The following PRDM16 variants were observed in gnomAD, a reference collection of about 807,000 sequenced individuals.
The protein encoded by PRDM16 is PR/SET domain 16, also known as histone-lysine N-methyltransferase PRDM16.
A neutral mutation model predicts 110.6 loss-of-function variants in PRDM16; 23 were observed. The ratio of observed to expected loss-of-function variants is 0.21; its 90% CI spans 0.15 to 0.29. The LOEUF (loss-of-function observed/expected upper bound fraction) is 0.29, where lower values mean the gene tolerates loss of function less well. Among genes scored for constraint, PRDM16 ranks in the 10% least tolerant of loss-of-function variants. The probability of loss-of-function intolerance (pLI) is 1.00; values close to 1 mark genes in which losing one functional copy is unlikely to be tolerated. For missense variants in PRDM16, 1,615 were observed against 1,794.3 expected, an observed-to-expected ratio of 0.90 and a Z score of 1.81; for synonymous variants, 799 against 781.8, an observed-to-expected ratio of 1.02 and a Z score of -0.37.
chr1:3,384,084 A>C (rs1178035109), intron 3 of PRDM16, among the ~76,000 whole-genome samples: 2 of 146,172 alleles, frequency 1.4e-5, no homozygotes, highest in African/African-American at 5.1e-5. Flanking sequence ...CCTGCCTGCC[A>C]GGACACACCC....
intron 1 of PRDM16, among the ~76,000 whole-genome samples, chr1:3,088,750 ATAT>A (rs1321897999): frequency 2.8e-5 from 4 of 143,976 alleles, no homozygotes; most frequent in African/African-American, 7.7e-5. Flanking sequence ...GCGCCCGGCC[ATAT>A]TATTATTATT....
chr1:3,200,706 C>T (rs539487962), intron 2 of PRDM16, among the ~76,000 whole-genome samples: 42 of 152,058 alleles, frequency 2.8e-4, no homozygotes, highest in African/African-American at 8.9e-4. Flanking sequence ...AAAGTATCCC[C>T]GGCACGCGTG....
In PRDM16 at chr1:3,181,568, AGTCTTACACACG is replaced by A. The variant is rs1288672927; in HGVS notation, c.38-4548_38-4537del. Among the ~76,000 whole-genome samples the A allele has an allele frequency of 1.9e-4, 13 of 67,714 alleles. 1 individual carries two copies. The highest frequency in any genetic ancestry group is 7.2e-4 in the African/African-American group (13 of 18,036). The allele number at this position is 67,714 out of a possible 152,430, so 44.4% of individuals were successfully genotyped here. ...CTTACACACGCAGTCTTACACACGC[AGTCTTACACACG>A]GTCTTACATATGGTCTTACACATGC... On this transcript the variant is annotated intron_variant, in intron 1 of 16. Transcript: ENST00000270722.
chr1:3,137,166 C>T (rs1303440364), intron 1 of PRDM16, among the ~76,000 whole-genome samples: 1 of 152,236 alleles, frequency 6.6e-6, no homozygotes, highest in African/African-American at 2.4e-5. Context: ...ACCCTGGCTG[C>T]CTCCGGCATC....
chr1:3,290,895 G>T lies in PRDM16; in HGVS notation c.438+46758G>T, dbSNP rs1337948011. The stretch of plus-strand genomic sequence containing the variant: ...CCGAGGTATCTTTCAAAGAGTGATG[G>T]TTACGGAAATTAGTGGTGCAGAAAT... On this transcript the variant is annotated intron_variant, in intron 3 of 16. Transcript: ENST00000270722. The surrounding 1 kb of genome is among the most constrained non-coding windows in gnomAD (Gnocchi z 4.8). Among the ~76,000 whole-genome samples, 2 of 151,974 alleles carry T rather than the reference G, an allele frequency of 1.3e-5. No individual in the cohort carries two copies. The highest frequency in any genetic ancestry group is 6.6e-5 in the Admixed American group (1 of 15,250).
rs143029323 is a variant in PRDM16 at position 3,362,294 on chromosome 1, G to A, written c.439-22858G>A. On this transcript the variant is annotated intron_variant, in intron 3 of 16. Transcript: ENST00000270722. ...GGAAAGTTCTGGAGCCATGCATAGC[G>A]GGCACGTGGTGTGTATGCTTGTCCA... Among the ~76,000 whole-genome samples the A allele has an allele frequency of 2.5e-3, 387 of 152,132 alleles. 2 individuals carry two copies. Among genetic ancestry groups the A allele is most frequent in the Non-Finnish European group, 4.5e-3 (305 of 68,018 alleles).
intron 5 of PRDM16, among the ~76,000 whole-genome samples, chr1:3,397,551 G>A (rs1303027384): frequency 6.6e-6 from 1 of 152,228 alleles, no homozygotes; most frequent in Admixed American, 6.5e-5. Flanking sequence ...CTCCACGCCG[G>A]TCCCTCTGAG....
At position 3,181,697 on chromosome 1, in the gene PRDM16, TACACACGGTCTTAC is replaced by T. The variant is rs1433509335; in HGVS notation, c.38-4423_38-4410del. On this transcript the variant is annotated intron_variant, in intron 1 of 16. Transcript: ENST00000270722. ...ACACGCGCAGTCTTACACACGGTCT[TACACACGGTCTTAC>T]ACACGCAGTCTTACACACGGTCTTA... Among the ~76,000 whole-genome samples the T allele has an allele frequency of 1.6e-3, 220 of 133,738 alleles. 9 individuals are homozygous for T. The highest frequency in any genetic ancestry group is 6.1e-3 in the African/African-American group (205 of 33,408). The allele number at this position is 133,738 out of a possible 152,430, so 87.7% of individuals were successfully genotyped here. A position where few individuals can be genotyped will look rare whatever the true frequency, so the allele number is the denominator to read the frequency against.
chr1:3,152,771 C>T (rs142950956), intron 1 of PRDM16, among the ~76,000 whole-genome samples: 621 of 152,246 alleles, frequency 4.1e-3, no homozygotes, highest in African/African-American at 0.015. Flanking sequence ...TAGCGTGGGT[C>T]CTTGGCTTCA....
At chr1:3,301,408 A>G (rs1641206671) in intron 3 of PRDM16, among the ~76,000 whole-genome samples, 1 of 152,198 alleles carries the variant, frequency 6.6e-6, no homozygotes, top group Admixed American at 6.5e-5. Context: ...GAATAAATGA[A>G]AAGCCAATAA....
rs1642468108 is a variant in PRDM16 at position 3,350,898 on chromosome 1, A to G, written c.439-34254A>G. Among the ~76,000 whole-genome samples, 1 of 152,020 alleles carries G rather than the reference A, an allele frequency of 6.6e-6. No homozygotes were observed. Among genetic ancestry groups the G allele is most frequent in the South Asian group, 2.1e-4 (1 of 4,818 alleles). On this transcript the variant is annotated intron_variant, in intron 3 of 16. Transcript: ENST00000270722. The surrounding 1 kb of genome is among the most constrained non-coding windows in gnomAD (Gnocchi z 7.1). Reference sequence around the variant, plus strand: ...ACACCCCCCAGTCCTTGCAGAGCCCACTCTGAAGGGGACTTGGGGATTCAC... The same window carrying G: ...ACACCCCCCAGTCCTTGCAGAGCCCGCTCTGAAGGGGACTTGGGGATTCAC...
At chr1:3,300,617 A>G (rs1474142888) in intron 3 of PRDM16, among the ~76,000 whole-genome samples, 1 of 152,202 alleles carries the variant, frequency 6.6e-6, no homozygotes, top group Non-Finnish European at 1.5e-5. Context: ...CCGCGGTGCA[A>G]CTGGGGTGCG....
At chr1:3,289,026 G>C (rs890864628) in intron 3 of PRDM16, among the ~76,000 whole-genome samples, 20 of 152,222 alleles carry the variant, frequency 1.3e-4, no homozygotes, top group Admixed American at 1.3e-4. Flanking sequence ...GAACTTGGCT[G>C]GCTGCCCATG....
In PRDM16 at chr1:3,208,594, A is replaced by T. The variant is rs1638807255; in HGVS notation, c.387+22120A>T. The T allele has an allele frequency of 1.3e-5, 2 of 151,610 alleles. No individual in the cohort carries two copies. The highest frequency in any genetic ancestry group is 6.6e-5 in the Admixed American group (1 of 15,238). The allele number at this position is 151,610 out of a possible 1,614,324, so 9.4% of individuals were successfully genotyped here. A position where few individuals can be genotyped will look rare whatever the true frequency, so the allele number is the denominator to read the frequency against. On this transcript the variant is annotated intron_variant, in intron 2 of 16. Transcript: ENST00000270722. This position sits in a 1 kb window ranked among gnomAD's most constrained non-coding sequence, Gnocchi z 6.1. ...GGCAGAAGAATCGCTTGAACCCAGG[A>T]GGCAGAAGTTGCAGTGAGCTGAGGT...
intron 2 of PRDM16, among the ~76,000 whole-genome samples, chr1:3,238,303 G>A (rs368043900): frequency 3.3e-5 from 5 of 152,086 alleles, no homozygotes; most frequent in South Asian, 2.1e-4. Flanking sequence ...ATTTCAGGAC[G>A]GGCTCTCCAG....
intron 4 of PRDM16, among the ~76,000 whole-genome samples, chr1:3,392,598 G>T (rs1000999941): frequency 3.9e-5 from 6 of 152,130 alleles, no homozygotes; most frequent in South Asian, 2.1e-4. Flanking sequence ...TTCGAAAGTC[G>T]TCTCTTTTCT....
chr1:3,394,903 A>G (rs1643362723), intron 4 of PRDM16, among the ~76,000 whole-genome samples: 1 of 151,714 alleles, frequency 6.6e-6, no homozygotes, highest in South Asian at 2.1e-4. Flanking sequence ...AATGGGTTTA[A>G]TTGAAGAAGT....
chr1:3,361,988 G>A (rs1397767005), intron 3 of PRDM16, among the ~76,000 whole-genome samples: 1 of 151,808 alleles, frequency 6.6e-6, no homozygotes, highest in Non-Finnish European at 1.5e-5. Flanking sequence ...GGCAGGTGGT[G>A]AGAAGTGACC....
chr1:3,171,745 C>A (rs1644027862), intron 1 of PRDM16, among the ~76,000 whole-genome samples: 1 of 152,098 alleles, frequency 6.6e-6, no homozygotes. Context: ...CCCAGGACTC[C>A]AGAACACCTA....
Sources: allele counts gnomAD v4.1 joint callset (sites outside exome capture counted in the v4.1 genomes callset), GRCh38; gene constraint gnomAD v4.1.1; non-coding constraint Gnocchi (gnomAD v3.1); transcripts MANE v1.5; gene names NCBI Gene and HGNC (gene_info 2026-07-23, HGNC 2026-07-21).